Variants in PIGU observed in about 807,000 individuals in gnomAD.
PIGU encodes GPI-anchor transamidase component PIGU.
PIGU carries 24 observed loss-of-function variants against 49.9 expected under a neutral mutation model. The observed-to-expected ratio is 0.48, with a 90% confidence interval of 0.35 to 0.68. The LOEUF is 0.68. Among genes scored for constraint, PIGU ranks in the 30% least tolerant of loss-of-function variants. The pLI, the probability that PIGU is intolerant of heterozygous loss-of-function variation, is 0.01. For synonymous variants in PIGU, 220 were observed against 205.7 expected (o/e 1.07, Z -0.59); for missense variants, 490 against 532.6 (o/e 0.92, Z 0.79).
At chr20:34,650,133 C>T (rs770956993) in intron 2 of PIGU, among the ~76,000 whole-genome samples, 11 of 152,140 alleles carry the variant, frequency 7.2e-5, no homozygotes, top group Admixed American at 3.3e-4. Flanking sequence ...CAGGCATGAG[C>T]CACCGTGCCT....
intron 7 of PIGU, among the ~76,000 whole-genome samples, chr20:34,595,374 A>G (rs1017350689): frequency 3.9e-5 from 6 of 152,228 alleles, no homozygotes; most frequent in Non-Finnish European, 5.9e-5. Context: ...TATTACAAGT[A>G]ATCTGGAGAT....
At chr20:34,637,128 G>A (rs976193226) in intron 5 of PIGU, among the ~76,000 whole-genome samples, 3 of 152,182 alleles carry the variant, frequency 2.0e-5, no homozygotes, top group Non-Finnish European at 4.4e-5. Flanking sequence ...ATAGGGAATA[G>A]GAAATCCACA....
At chr20:34,569,599 C>A (rs1982921691) in intron 11 of PIGU, among the ~76,000 whole-genome samples, 2 of 152,270 alleles carry the variant, frequency 1.3e-5, no homozygotes, top group South Asian at 4.1e-4. Context: ...AGACACAGGG[C>A]AGGAGTGGGG....
chr20:34,630,779 TG>T (rs1310606262), intron 6 of PIGU, among the ~76,000 whole-genome samples: 2 of 152,144 alleles, frequency 1.3e-5, no homozygotes, highest in African/African-American at 4.8e-5. Context: ...CCTGAGTAGC[TG>T]GGACTATAGG....
At chr20:34,615,075 C>CA (rs1984957172) in intron 7 of PIGU, among the ~76,000 whole-genome samples, 2 of 152,236 alleles carry the variant, frequency 1.3e-5, no homozygotes, top group African/African-American at 4.8e-5. Flanking sequence ...ATGTCATTCG[C>CA]TGGTCCTGTG....
chr20:34,585,541 G>A lies in PIGU; in HGVS notation c.822C>T (p.Phe274=). The A allele has an allele frequency of 1.2e-6, 2 of 1,613,828 alleles. No homozygotes were observed. The highest frequency in any genetic ancestry group is 1.7e-6 in the Non-Finnish European group (2 of 1,179,680). Residue 274 remains phenylalanine (F), a synonymous_variant, in exon 9 of 12, where the codon TTC becomes TTT. Transcript: ENST00000217446. ...CAAACATCTCTGCAAAGAAGTACCA[G>A]AAAAGACCAATGTTTGGAGTGAGAT... is the stretch of plus-strand genomic sequence containing the variant. ...VPDLTPNIGL[F]WYFFAEMFEH... is the part of the protein sequence containing the mutation.
chr20:34,670,214 A>C lies in PIGU; in HGVS notation c.130+6742T>G, dbSNP rs189631609. Among the ~76,000 whole-genome samples the C allele has an allele frequency of 9.2e-4, 138 of 150,400 alleles. 2 individuals are homozygous for C. Among genetic ancestry groups the C allele is most frequent in the Non-Finnish European group, 7.4e-5 (5 of 67,616 alleles). On this transcript the variant is annotated intron_variant, in intron 1 of 11. Coordinates refer to ENST00000217446, the MANE Select transcript of PIGU (RefSeq NM_080476.5). ...CGGCTTTTTTTTTTTTTTTGAGACAAAGTCTTGCTCTATTGCCCAGGCTGG... is the reference window on the plus strand; with the variant it reads ...CGGCTTTTTTTTTTTTTTTGAGACACAGTCTTGCTCTATTGCCCAGGCTGG...
chr20:34,638,177 T>C (rs566182949), intron 4 of PIGU, among the ~76,000 whole-genome samples, 192 bp from the exon 5 acceptor site: 44 of 152,282 alleles, frequency 2.9e-4, no homozygotes, highest in Non-Finnish European at 4.7e-4. Context: ...ACATGCTGTG[T>C]CCCTCCTTTT....
At chr20:34,615,425 T>C (rs1023821784) in intron 7 of PIGU, among the ~76,000 whole-genome samples, 9 of 152,356 alleles carry the variant, frequency 5.9e-5, no homozygotes, top group African/African-American at 2.2e-4. Flanking sequence ...AGGGGATCAC[T>C]AGTTGAGAAA....
intron 11 of PIGU, among the ~76,000 whole-genome samples, chr20:34,566,107 C>T (rs539640343): frequency 1.8e-4 from 27 of 152,250 alleles, no homozygotes; most frequent in Middle Eastern, 3.4e-3. Context: ...CACACATACA[C>T]GCACGCTTGC....
chr20:34,633,806 C>A (rs991700145), intron 6 of PIGU, among the ~76,000 whole-genome samples: 3 of 152,066 alleles, frequency 2.0e-5, no homozygotes, highest in Non-Finnish European at 4.4e-5. Context: ...TGATCTCAGG[C>A]AATCCAACCG....
intron 7 of PIGU, among the ~76,000 whole-genome samples, chr20:34,608,101 A>G (rs1346714063): frequency 7.0e-6 from 1 of 143,844 alleles, no homozygotes; most frequent in East Asian, 2.0e-4. Context: ...TGAGACAAGA[A>G]TCTTGCACTG....
At chr20:34,562,574 T>C in intron 11 of PIGU, 5 of 1,288,366 alleles carry the variant, frequency 3.9e-6, no homozygotes, top group Non-Finnish European at 5.1e-6. Flanking sequence ...ATCTGGAAGG[T>C]TGAACAATCC....
At position 34,677,029 on chromosome 20, in the gene PIGU, C is replaced by A; in HGVS notation, c.57G>T (p.Leu19Phe). The change falls in exon 1 of 12, where the codon TTG becomes TTT. Residue 19 changes from leucine to phenylalanine, a missense_variant. By Grantham distance (22) the Leu-to-Phe change is conservative (BLOSUM62 0). Coordinates refer to ENST00000217446, the MANE Select transcript of PIGU (RefSeq NM_080476.5). ...LVVAVTVRAA[L>F]FRSSLAEFIS... ...TGAACTCGGCCAGACTGGAGCGGAA[C>A]AAGGCCGCCCGCACTGTCACAGCCA... 1.9e-6 allele frequency: 3 copies of A among 1,581,098 alleles called. No individual in the cohort carries two copies. The highest frequency in any genetic ancestry group is 2.6e-6 in the Non-Finnish European group (3 of 1,164,108).
In PIGU at chr20:34,658,825, C is replaced by T. The variant is rs540977070; in HGVS notation, c.131-1581G>A. The stretch of plus-strand genomic sequence containing the variant: ...CCGCCCCGTCTGAGAAGCGAGGAGC[C>T]CCTCCGCCCGGCAGCCACCCCGTCT... On this transcript the variant is annotated intron_variant, in intron 1 of 11. Transcript: ENST00000217446. Among the ~76,000 whole-genome samples, 573 of 148,392 alleles carry T rather than the reference C, an allele frequency of 3.9e-3. 3 individuals carry two copies. The highest frequency in any genetic ancestry group is 0.026 in the South Asian group (123 of 4,660).
chr20:34,641,579 G>A (rs540056739), intron 4 of PIGU, among the ~76,000 whole-genome samples: 5 of 152,114 alleles, frequency 3.3e-5, no homozygotes, highest in African/African-American at 7.2e-5. Context: ...CATTCAGTCC[G>A]CAGGCTAACA....
intron 6 of PIGU, among the ~76,000 whole-genome samples, chr20:34,625,097 C>T (rs558348588): frequency 5.9e-4 from 90 of 151,726 alleles, no homozygotes; most frequent in Non-Finnish European, 1.1e-3. Flanking sequence ...TGAGGCCGGG[C>T]GTGGTGGCTC....
intron 1 of PIGU, among the ~76,000 whole-genome samples, chr20:34,659,406 C>G (rs1285170607): frequency 6.7e-6 from 1 of 149,164 alleles, no homozygotes. Flanking sequence ...GCCCGGCCAG[C>G]CGCCCGGTCC....
chr20:34,666,124 T>C (rs1312822322), intron 1 of PIGU, among the ~76,000 whole-genome samples: 1 of 151,964 alleles, frequency 6.6e-6, no homozygotes, highest in Non-Finnish European at 1.5e-5. Flanking sequence ...ATGCGGAGGT[T>C]GTAGTGAGCC....
Sources: gnomAD v4.1 joint callset for allele counts (sites outside exome capture counted in the v4.1 genomes callset) on GRCh38, gnomAD v4.1.1 for gene constraint, MANE v1.5 for transcripts, NCBI Gene and HGNC (gene_info 2026-07-23, HGNC 2026-07-21) for gene names.